VPS13B: variants seen among roughly 807,000 people sequenced by gnomAD.
The protein encoded by VPS13B is vacuolar protein sorting 13 homolog B.
A neutral mutation model predicts 426.4 loss-of-function variants in VPS13B; 285 were observed. The observed-to-expected ratio is 0.67, with a 90% CI of 0.61 to 0.74. The LOEUF (loss-of-function observed/expected upper bound fraction) is 0.74, where lower values mean the gene tolerates loss of function less well. Among genes scored for constraint, VPS13B ranks in the 30% least tolerant of loss-of-function variants. The pLI is 0.00. For missense variants in VPS13B, 4,537 were observed against 4,782.6 expected (o/e 0.95, Z 1.51); for synonymous variants, 1,676 against 1,676.4 (o/e 1.00, Z 0.01).
chr8:99,015,697 T>A (rs1204839244), intron 2 of VPS13B, among the ~76,000 whole-genome samples: 1 of 151,042 alleles, frequency 6.6e-6, no homozygotes, highest in East Asian at 2.0e-4. Context: ...AGGTCAGGAG[T>A]TCGAGACCAG....
At chr8:99,668,668 C>G (rs78222801) in intron 35 of VPS13B, among the ~76,000 whole-genome samples, 1 of 152,058 alleles carries the variant, frequency 6.6e-6, no homozygotes, top group Non-Finnish European at 1.5e-5. Context: ...TCTCCCAACC[C>G]CCCACCTTTT....
chr8:99,479,007 G>T (rs1310938640), intron 24 of VPS13B, among the ~76,000 whole-genome samples: 1 of 151,924 alleles, frequency 6.6e-6, no homozygotes, highest in East Asian at 1.9e-4. Flanking sequence ...TGTTGACATT[G>T]TATATCCATG....
chr8:99,406,718 A>G (rs544000410), intron 21 of VPS13B, among the ~76,000 whole-genome samples: 1 of 152,326 alleles, frequency 6.6e-6, no homozygotes, highest in South Asian at 2.1e-4. Flanking sequence ...ATTGCAGGTA[A>G]TGTATGACAT....
At chr8:99,762,204 C>T (rs1399933627) in intron 39 of VPS13B, among the ~76,000 whole-genome samples, 4 of 151,884 alleles carry the variant, frequency 2.6e-5, no homozygotes, top group Admixed American at 2.0e-4. Context: ...TTTTTTTCCT[C>T]CTGTAGAGAC....
At chr8:99,558,809 T>C (rs1413498277) in intron 31 of VPS13B, among the ~76,000 whole-genome samples, 2 of 152,214 alleles carry the variant, frequency 1.3e-5, no homozygotes, top group Non-Finnish European at 2.9e-5. Flanking sequence ...CAGTCTATCA[T>C]TGATGGACAT....
Position 99,352,732 on chromosome 8 carries a change from T to C in VPS13B, c.2825-31476T>C, listed in dbSNP as rs1447349477. Reference sequence around the variant, plus strand: ...CTAGATATTCAAGAGGCTGAGGCCATAGAATCGCTTGAACCCGGGAGGCGG... The same window carrying C: ...CTAGATATTCAAGAGGCTGAGGCCACAGAATCGCTTGAACCCGGGAGGCGG... On this transcript the variant is annotated intron_variant, in intron 19 of 61. Transcript: ENST00000357162. 1.1e-4 allele frequency among the ~76,000 whole-genome samples: 16 copies of C among 151,438 alleles called. No homozygotes were observed. The South Asian group carries it at 2.9e-3, about 28-fold the overall frequency.
rs145232153 is a variant in VPS13B, at chr8:99,223,133, T to C, written c.2515+30076T>C. On this transcript the variant is annotated intron_variant, in intron 17 of 61. Coordinates refer to ENST00000357162, the MANE Select transcript of VPS13B (RefSeq NM_152564.5). ...GTGAGCCACTGTACCCAGCCTGATATAGGAGACGATTTTAATTAGTATGTG... is the reference window on the plus strand; with the variant it reads ...GTGAGCCACTGTACCCAGCCTGATACAGGAGACGATTTTAATTAGTATGTG... Among the ~76,000 whole-genome samples the C allele has an allele frequency of 1.6e-4, 24 of 152,280 alleles. No individual in the cohort carries two copies. The East Asian group carries it at 2.7e-3, about 17-fold the overall frequency.
intron 23 of VPS13B, among the ~76,000 whole-genome samples, chr8:99,451,735 A>G (rs567465900): frequency 6.6e-6 from 1 of 152,308 alleles, no homozygotes; most frequent in South Asian, 2.1e-4. Context: ...TAATAGGCTT[A>G]TAACTCTTCA....
chr8:99,717,019 T>C, intron 36 of VPS13B, 152 bp from the exon 37 acceptor site: 2 of 724,380 alleles, frequency 2.8e-6, no homozygotes. Flanking sequence ...TAGAACTCTG[T>C]ATAAACGGCA....
intron 33 of VPS13B, among the ~76,000 whole-genome samples, chr8:99,610,653 G>T (rs1441793576): frequency 2.0e-5 from 3 of 151,962 alleles, no homozygotes; most frequent in Non-Finnish European, 2.9e-5. Flanking sequence ...GGGTTGATGG[G>T]TGCAGCAAAC....
At chr8:99,032,440 T>C (rs531785601) in intron 2 of VPS13B, among the ~76,000 whole-genome samples, 1 of 152,248 alleles carries the variant, frequency 6.6e-6, no homozygotes, top group African/African-American at 2.4e-5. Context: ...ATTTATTAAT[T>C]TCTTTTGTAA....
At chr8:99,708,071 A>G (rs773633858) in intron 36 of VPS13B, among the ~76,000 whole-genome samples, 3 of 152,146 alleles carry the variant, frequency 2.0e-5, no homozygotes, top group Non-Finnish European at 4.4e-5. Flanking sequence ...CAGCTACTGA[A>G]TTCATCCCAG....
At chr8:99,347,635 G>T (rs1811612757) in intron 19 of VPS13B, 1 of 152,236 alleles carries the variant, frequency 6.6e-6, no homozygotes, top group Non-Finnish European at 1.5e-5. Flanking sequence ...GCTTGAGATT[G>T]TGCCTGTCAG....
intron 39 of VPS13B, among the ~76,000 whole-genome samples, chr8:99,722,508 CT>C (rs796198914): frequency 0.081 from 11,180 of 138,806 alleles, 387 homozygotes; most frequent in African/African-American, 0.13. Context: ...TATGTAATTC[CT>C]TTTTTTTTTT....
intron 4 of VPS13B, among the ~76,000 whole-genome samples, chr8:99,097,363 G>C (rs1846484163): frequency 6.6e-6 from 1 of 152,104 alleles, no homozygotes; most frequent in Non-Finnish European, 1.5e-5. Flanking sequence ...TTATTGTTTA[G>C]TGGAGACAGG....
intron 19 of VPS13B, among the ~76,000 whole-genome samples, chr8:99,306,780 A>G (rs1588231051): frequency 1.3e-5 from 2 of 152,106 alleles, no homozygotes; most frequent in Non-Finnish European, 2.9e-5. Flanking sequence ...TGGAAGAGGC[A>G]TCTCACTTGA....
chr8:99,707,272 C>T (rs1054571713), intron 36 of VPS13B, among the ~76,000 whole-genome samples: 13 of 152,154 alleles, frequency 8.5e-5, no homozygotes, highest in African/African-American at 2.9e-4. Context: ...CTCTGTAGTG[C>T]ATTTCCCAAA....
chr8:99,251,690 A>G (rs1261713668), intron 17 of VPS13B, among the ~76,000 whole-genome samples: 2 of 152,144 alleles, frequency 1.3e-5, no homozygotes, highest in East Asian at 3.9e-4. Context: ...GCTTCATAAA[A>G]TGAAATGGAA....
At chr8:99,601,798 C>G (rs1827312437) in intron 33 of VPS13B, among the ~76,000 whole-genome samples, 1 of 152,144 alleles carries the variant, frequency 6.6e-6, no homozygotes, top group Admixed American at 6.6e-5. Flanking sequence ...TAAACGTCTT[C>G]TTTTGAAAAG....
Sources: gnomAD v4.1 joint callset for allele counts (sites outside exome capture counted in the v4.1 genomes callset) on GRCh38, gnomAD v4.1.1 for gene constraint, MANE v1.5 for transcripts, NCBI Gene and HGNC (gene_info 2026-07-23, HGNC 2026-07-21) for gene names.